The following RPN2 variants were observed in gnomAD, a reference collection of about 807,000 sequenced individuals.
RPN2 encodes dolichyl-diphosphooligosaccharide--protein glycosyltransferase subunit 2.
A neutral mutation model predicts 71.4 loss-of-function variants in RPN2; 29 were observed. The ratio of observed to expected loss-of-function variants is 0.41; its 90% CI spans 0.30 to 0.55. RPN2 has a LOEUF of 0.55. RPN2 is among the 20% of genes least tolerant of loss of function. The pLI, the probability that RPN2 is intolerant of heterozygous loss-of-function variation, is 0.35. For synonymous variants in RPN2, 308 were observed against 305.0 expected (o/e 1.01, Z -0.10); for missense variants, 726 against 774.1 (o/e 0.94, Z 0.74).
chr20:37,221,397 C>G (rs928191930), intron 9 of RPN2, among the ~76,000 whole-genome samples: 3 of 152,032 alleles, frequency 2.0e-5, no homozygotes, highest in Non-Finnish European at 4.4e-5. Flanking sequence ...AGGGTTTTGC[C>G]ATGTTGGTCA....
Position 37,204,788 on chromosome 20 carries a change from G to A in RPN2, c.577G>A (p.Glu193Lys). 6.2e-7 allele frequency: 1 copy of A among 1,614,188 alleles called. No homozygotes were observed. Among genetic ancestry groups the A allele is most frequent in the Non-Finnish European group, 8.5e-7 (1 of 1,180,032 alleles). ...EIEDLVARLD[E>K]LGGVYLQFEE... is the part of the protein sequence containing the mutation. ...GCAGGACCTTGTTGCTCGCCTGGAT[G>A]AACTCGGGGGCGTGTATCTCCAGTT... The change falls in exon 6 of 17, where the codon GAA (glutamate) becomes AAA (lysine). Residue 193 changes from glutamate to lysine, a missense_variant. Transcript: ENST00000237530.
Position 37,204,780 on chromosome 20 carries a change from G to T in RPN2, c.569G>T (p.Arg190Leu), listed in dbSNP as rs1183182009. Reference protein sequence around the residue: ...IVEEIEDLVARLDELGGVYLQ... With the variant: ...IVEEIEDLVALLDELGGVYLQ... ...TTGTTATGGCAGGACCTTGTTGCTC[G>T]CCTGGATGAACTCGGGGGCGTGTAT... Residue 190 changes from arginine to leucine, a missense_variant, in exon 6 of 17, where the codon CGC (arginine) becomes CTC (leucine). Transcript: ENST00000237530. The T allele has an allele frequency of 6.2e-7, 1 of 1,613,984 alleles. No individual in the cohort carries two copies. The highest frequency in any genetic ancestry group is 8.5e-7 in the Non-Finnish European group (1 of 1,180,032).
At chr20:37,213,273 C>T (rs1234784796) in intron 8 of RPN2, among the ~76,000 whole-genome samples, 1 of 152,084 alleles carries the variant, frequency 6.6e-6, no homozygotes, top group Non-Finnish European at 1.5e-5. Context: ...GAAAAGAAAA[C>T]GTTGGAAACC....
At chr20:37,216,164 C>A (rs2067798770) in intron 9 of RPN2, among the ~76,000 whole-genome samples, 1 of 152,004 alleles carries the variant, frequency 6.6e-6, no homozygotes, top group Non-Finnish European at 1.5e-5. Flanking sequence ...CATGATGAAA[C>A]CCCATCTCTA....
chr20:37,217,295 ATTATTC>A (rs1243733506), intron 9 of RPN2, among the ~76,000 whole-genome samples: 1 of 149,002 alleles, frequency 6.7e-6, no homozygotes, highest in East Asian at 2.0e-4. Context: ...TATTATTATT[ATTATTC>A]TTTTTTTTTT....
rs374164943 is a variant in RPN2 at position 37,241,322 on chromosome 20, A to G, written c.*7A>G. On this transcript the variant is annotated 3_prime_UTR_variant, in exon 17 of 17. Coordinates refer to ENST00000237530, the MANE Select transcript of RPN2 (RefSeq NM_002951.5). ...TTTCAGAACAGCACATTAGTTCCAGAAGAAAGATGGAAATTCTGAAAACTG... is the reference window on the plus strand; with the variant it reads ...TTTCAGAACAGCACATTAGTTCCAGGAGAAAGATGGAAATTCTGAAAACTG... 1.7e-4 allele frequency: 274 copies of G among 1,612,900 alleles called. 1 individual carries two copies. In the African/African-American group the frequency reaches 3.2e-3, roughly 19 times the overall value.
chr20:37,199,837 A>G (rs2067340743), intron 4 of RPN2, among the ~76,000 whole-genome samples: 1 of 151,998 alleles, frequency 6.6e-6, no homozygotes, highest in Middle Eastern at 3.2e-3. Flanking sequence ...GTAGTTTTAA[A>G]TTTTTATTTA....
rs774740409 is a variant in RPN2 at position 37,199,122 on chromosome 20, T to C, written c.376T>C (p.Tyr126His). ...VSEDSSVTQI[Y>H]HAVAALSGFG... ...TGAGGACTCATCTGTTACCCAGATC[T>C]ACCATGCAGTTGCAGCTCTAAGTGG... Residue 126 changes from tyrosine (Y) to histidine (H), a missense_variant, in exon 4 of 17, where the codon TAC (tyrosine) becomes CAC (histidine). Coordinates refer to ENST00000237530, the MANE Select transcript of RPN2 (RefSeq NM_002951.5). 6 of 1,614,012 alleles carry C rather than the reference T, an allele frequency of 3.7e-6. No homozygotes were observed. In the East Asian group the frequency reaches 1.1e-4, roughly 30 times the overall value.
chr20:37,200,896 C>G (rs1199859587), intron 4 of RPN2, among the ~76,000 whole-genome samples: 1 of 152,078 alleles, frequency 6.6e-6, no homozygotes, highest in Admixed American at 6.6e-5. Context: ...CCATTTCCTT[C>G]CAAGCAGAAG....
At chr20:37,185,870 G>A (rs982493616) in intron 2 of RPN2, among the ~76,000 whole-genome samples, 3 of 152,380 alleles carry the variant, frequency 2.0e-5, no homozygotes, top group African/African-American at 4.8e-5. Flanking sequence ...TGAGGTCAAA[G>A]TGAAGGCATT....
Position 37,223,952 on chromosome 20 carries a change from T to C in RPN2, c.1167T>C (p.Ile389=). The stretch of plus-strand genomic sequence containing the variant: ...CCACCGTGGATAAGGATCAGAGCAT[T>C]GCACCCAAAACTACCCGGTAGGTGA... The part of the protein sequence containing the change: ...DLSTVDKDQS[I]APKTTRVTYP... The change falls in exon 10 of 17, where the codon ATT becomes ATC. Residue 389 remains isoleucine, a synonymous_variant. Transcript: ENST00000237530. The C allele has an allele frequency of 6.2e-7, 1 of 1,614,104 alleles. No individual in the cohort carries two copies. The highest frequency in any genetic ancestry group is 8.5e-7 in the Non-Finnish European group (1 of 1,179,978).
chr20:37,185,235 G>A (rs1025625428), intron 2 of RPN2, among the ~76,000 whole-genome samples: 14 of 151,484 alleles, frequency 9.2e-5, no homozygotes, highest in African/African-American at 3.4e-4. Context: ...TGTCTCCTGG[G>A]CTCAAGCCAT....
At chr20:37,193,158 A>C (rs886305438) in intron 2 of RPN2, among the ~76,000 whole-genome samples, 11 of 152,054 alleles carry the variant, frequency 7.2e-5, no homozygotes, top group African/African-American at 2.2e-4. Context: ...CCCAAACCCA[A>C]AACTCAAACC....
chr20:37,228,896 TA>T, intron 12 of RPN2, 152 bp downstream of exon 12: 1 of 719,556 alleles, frequency 1.4e-6, no homozygotes, highest in Non-Finnish European at 2.4e-6. Flanking sequence ...GCAGTCTCCA[TA>T]AATAGTCCTG....
intron 8 of RPN2, among the ~76,000 whole-genome samples, chr20:37,212,487 T>A (rs921544908): frequency 4.6e-4 from 11 of 23,858 alleles, no homozygotes; most frequent in African/African-American, 2.6e-3. Flanking sequence ...TGTATAGAAT[T>A]TTTTTTTTTT....
intron 16 of RPN2, chr20:37,238,766 C>T (rs1353693779): frequency 1.6e-6 from 1 of 607,670 alleles, no homozygotes; most frequent in Admixed American, 1.8e-5. Flanking sequence ...GCCTCTCTCT[C>T]TGTTTCCAGG....
chr20:37,208,606 G>T (rs1333269734), intron 7 of RPN2, among the ~76,000 whole-genome samples: 1 of 152,146 alleles, frequency 6.6e-6, no homozygotes, highest in Non-Finnish European at 1.5e-5. Flanking sequence ...CCTGGTCCTT[G>T]ATGGGATATC....
chr20:37,219,619 T>C (rs1334544471), intron 9 of RPN2, among the ~76,000 whole-genome samples: 2 of 152,218 alleles, frequency 1.3e-5, no homozygotes, highest in Non-Finnish European at 2.9e-5. Flanking sequence ...GCTTTAGGTG[T>C]CATGTCTAAG....
chr20:37,237,671 C>G (rs536809143), intron 16 of RPN2, among the ~76,000 whole-genome samples: 1 of 152,158 alleles, frequency 6.6e-6, no homozygotes, highest in Non-Finnish European at 1.5e-5. Flanking sequence ...CTGTAGGAAT[C>G]CAGGGCCCAC....
Sources: gnomAD v4.1 joint callset for allele counts (sites outside exome capture counted in the v4.1 genomes callset) on GRCh38, gnomAD v4.1.1 for gene constraint, MANE v1.5 for transcripts, NCBI Gene and HGNC (gene_info 2026-07-23, HGNC 2026-07-21) for gene names.